The following NSUN6 variants were observed in gnomAD, a reference collection of about 807,000 sequenced individuals.
NSUN6 encodes the protein NOP2/Sun RNA methyltransferase 6, also known as tRNA (cytosine(72)-C(5))-methyltransferase NSUN6.
A neutral mutation model predicts 58.0 loss-of-function variants in NSUN6; 64 were observed. The ratio of observed to expected loss-of-function variants is 1.10; its 90% CI spans 0.90 to 1.36. The LOEUF is 1.36. Among genes scored for constraint, NSUN6 ranks in the 40% most tolerant of loss-of-function variants. NSUN6 has a pLI of 0.00. For synonymous variants in NSUN6, 231 were observed against 193.9 expected (o/e 1.19, Z -1.59); for missense variants, 701 against 550.1 (o/e 1.27, Z -2.74).
intron 9 of NSUN6, among the ~76,000 whole-genome samples, chr10:18,550,417 T>C (rs969421370): frequency 2.0e-5 from 3 of 152,192 alleles, no homozygotes; most frequent in African/African-American, 7.2e-5. Context: ...AAGGCAGCTT[T>C]AGAAACTAAA....
chr10:18,654,197 G>A (rs532976500), upstream of NSUN6, among the ~76,000 whole-genome samples: 68 of 152,286 alleles, frequency 4.5e-4, 3 homozygotes, highest in South Asian at 0.014. Context: ...CTGGGTTCAA[G>A]CGATTCTCCT....
chr10:18,557,499 A>T (rs2055126696), intron 8 of NSUN6, among the ~76,000 whole-genome samples: 1 of 151,360 alleles, frequency 6.6e-6, no homozygotes, highest in South Asian at 2.1e-4. Context: ...CATGGAATGG[A>T]ATGGAGAATA....
intron 6 of NSUN6, among the ~76,000 whole-genome samples, chr10:18,602,703 G>A (rs560041138): frequency 6.6e-6 from 1 of 152,216 alleles, no homozygotes; most frequent in South Asian, 2.1e-4. Flanking sequence ...GGGGCAGCCT[G>A]GCAGCCTTTG....
At chr10:18,645,144 C>G (rs907454789) in intron 2 of NSUN6, among the ~76,000 whole-genome samples, 1 of 128,764 alleles carries the variant, frequency 7.8e-6, no homozygotes, top group African/African-American at 3.0e-5. Flanking sequence ...GCTGACAGAG[C>G]GAGACTCCCT....
At chr10:18,577,985 C>T (rs762954267) in intron 8 of NSUN6, among the ~76,000 whole-genome samples, 1 of 152,252 alleles carries the variant, frequency 6.6e-6, no homozygotes, top group African/African-American at 2.4e-5. Context: ...CAAGTGTGAG[C>T]TTACCATTGC....
chr10:18,574,944 T>C (rs886420339), intron 8 of NSUN6, among the ~76,000 whole-genome samples: 1 of 152,110 alleles, frequency 6.6e-6, no homozygotes, highest in Admixed American at 6.6e-5. Flanking sequence ...AAGCAGTCTG[T>C]TGTATCTTCT....
At chr10:18,648,444 T>C (rs369835339) in intron 2 of NSUN6, 46 bp downstream of exon 2, 80 of 1,293,780 alleles carry the variant, frequency 6.2e-5, no homozygotes, top group Middle Eastern at 3.8e-4. Flanking sequence ...ACATGGTAGA[T>C]TGCAAAAATG....
At chr10:18,646,526 T>C (rs528894344) in intron 2 of NSUN6, among the ~76,000 whole-genome samples, 1 of 143,488 alleles carries the variant, frequency 7.0e-6, no homozygotes, top group East Asian at 2.3e-4. Context: ...ATATCCAGGT[T>C]CTGGAAATCA....
At chr10:18,643,343 G>T (rs1173234951) in intron 2 of NSUN6, among the ~76,000 whole-genome samples, 1 of 151,708 alleles carries the variant, frequency 6.6e-6, no homozygotes, top group Non-Finnish European at 1.5e-5. Flanking sequence ...CTATTAGAGG[G>T]CAGCACGCAA....
At chr10:18,574,770 G>T (rs1589919673) in intron 8 of NSUN6, among the ~76,000 whole-genome samples, 1 of 152,072 alleles carries the variant, frequency 6.6e-6, no homozygotes, top group Non-Finnish European at 1.5e-5. Context: ...AGTGAATGAG[G>T]TCTCATTAAT....
chr10:18,595,321 T>C (rs2057543719), intron 7 of NSUN6, among the ~76,000 whole-genome samples: 1 of 152,204 alleles, frequency 6.6e-6, no homozygotes, highest in African/African-American at 2.4e-5. Flanking sequence ...AGACTCCCTT[T>C]GGAAAGACAT....
At chr10:18,612,614 C>G (rs1400661415) in intron 5 of NSUN6, among the ~76,000 whole-genome samples, 1 of 152,174 alleles carries the variant, frequency 6.6e-6, no homozygotes, top group Admixed American at 6.5e-5. Context: ...GCCTGTCTTC[C>G]TAACTCAGTT....
intron 8 of NSUN6, among the ~76,000 whole-genome samples, chr10:18,574,961 CA>C (rs777683801): frequency 2.6e-5 from 4 of 152,110 alleles, no homozygotes; most frequent in African/African-American, 4.8e-5. Context: ...TTCTGAAATG[CA>C]TATTTTTCAC....
At chr10:18,593,221 G>A (rs1230531417) in intron 7 of NSUN6, among the ~76,000 whole-genome samples, 1 of 152,220 alleles carries the variant, frequency 6.6e-6, no homozygotes, top group Non-Finnish European at 1.5e-5. Flanking sequence ...TGGCAAGGAT[G>A]TGGAGAAATA....
At chr10:18,624,859 A>C (rs1470542179) in intron 3 of NSUN6, among the ~76,000 whole-genome samples, 2 of 152,136 alleles carry the variant, frequency 1.3e-5, no homozygotes, top group East Asian at 1.9e-4. Context: ...ATGATAAATA[A>C]GAGTGGCTCA....
At chr10:18,577,899 C>T (rs1366531999) in intron 8 of NSUN6, among the ~76,000 whole-genome samples, 1 of 152,172 alleles carries the variant, frequency 6.6e-6, no homozygotes, top group Non-Finnish European at 1.5e-5. Flanking sequence ...TGTGGTCTAA[C>T]CCTAGCCAAT....
At chr10:18,598,367 G>T (rs2057678390) in intron 6 of NSUN6, among the ~76,000 whole-genome samples, 1 of 152,206 alleles carries the variant, frequency 6.6e-6, no homozygotes, top group Non-Finnish European at 1.5e-5. Context: ...CTGTTTGGTG[G>T]TCTCTTCACA....
rs751697059 is a variant in NSUN6 at position 18,609,877 on chromosome 10, C to T, written c.625G>A (p.Asp209Asn). 6.2e-7 allele frequency: 1 copy of T among 1,604,890 alleles called. No individual in the cohort carries two copies. The highest frequency in any genetic ancestry group is 1.7e-5 in the Admixed American group (1 of 59,992). The change falls in exon 6 of 11, where the codon GAC becomes AAC. Residue 209 changes from aspartate to asparagine, a missense_variant. Asp to Asn is a conservative substitution (Grantham distance 23). Transcript: ENST00000377304. ...TEPVYLSPSF[D>N]SVLPRYLFLQ... Reference sequence around the variant, plus strand: ...AATAAGTAACGGGGCAGTACACTGTCAAATGAAGGGCTGAGATATACTGGT... The same window carrying T: ...AATAAGTAACGGGGCAGTACACTGTTAAATGAAGGGCTGAGATATACTGGT...
chr10:18,625,315 G>C (rs1037243465), intron 3 of NSUN6, among the ~76,000 whole-genome samples: 2 of 152,112 alleles, frequency 1.3e-5, no homozygotes, highest in Non-Finnish European at 2.9e-5. Flanking sequence ...ACAAAGTCCT[G>C]CTGTCTTTAT....
Sources: allele counts gnomAD v4.1 joint callset (sites outside exome capture counted in the v4.1 genomes callset), GRCh38; gene constraint gnomAD v4.1.1; transcripts MANE v1.5; gene names NCBI Gene and HGNC (gene_info 2026-07-23, HGNC 2026-07-21).